The following CRYBG1 variants were observed in gnomAD, a reference collection of about 807,000 sequenced individuals.
CRYBG1 encodes the protein crystallin beta-gamma domain containing 1, also known as beta/gamma crystallin domain-containing protein 1.
Under a neutral mutation model 189.2 loss-of-function variants are expected in CRYBG1, and 139 were observed. The ratio of observed to expected loss-of-function variants is 0.73; its 90% CI spans 0.64 to 0.85. CRYBG1 has a LOEUF of 0.85. Among genes scored for constraint, CRYBG1 ranks in the 40% least tolerant of loss-of-function variants. CRYBG1 has a pLI of 0.00. For synonymous variants in CRYBG1, 1,023 were observed against 1,017.1 expected (o/e 1.01, Z -0.11); for missense variants, 2,611 against 2,675.8 (o/e 0.98, Z 0.53).
chr6:106,519,102 A>C, intron 3 of CRYBG1, 29 bp from the exon 4 acceptor site: 1 of 1,573,016 alleles, frequency 6.4e-7, no homozygotes, highest in Non-Finnish European at 8.6e-7. Context: ...CTAGGTCAAT[A>C]ACTTTATCTT....
Position 106,470,054 on chromosome 6 carries a change from G to A in CRYBG1, c.312+18222G>A, listed in dbSNP as rs111477559. Among the ~76,000 whole-genome samples, 838 of 152,266 alleles carry A rather than the reference G, an allele frequency of 5.5e-3. 9 individuals are homozygous for A. The highest frequency in any genetic ancestry group is 0.019 in the African/African-American group (804 of 41,542). On this transcript the variant is annotated intron_variant, in intron 2 of 21. Transcript: ENST00000633556. ...CCTGACTTTTCCTCGGGGACAGGGC[G>A]CTTCCCTCCTCCCTTTGGTCCCCGA...
intron 1 of CRYBG1, among the ~76,000 whole-genome samples, chr6:106,384,235 C>T (rs538830986): frequency 1.1e-4 from 17 of 152,164 alleles, no homozygotes; most frequent in South Asian, 2.1e-4. Context: ...GACTTCCCAT[C>T]GGTAACTGAG....
At chr6:106,519,011 C>T (rs1582813119) in intron 3 of CRYBG1, 120 bp from the exon 4 acceptor site, 2 of 897,148 alleles carry the variant, frequency 2.2e-6, no homozygotes, top group Non-Finnish European at 3.2e-6. Context: ...ACACACACCA[C>T]ACTCCAAATG....
rs1774135992 is a variant in CRYBG1, at chr6:106,541,748, T to TA, written c.4881+130dup. The stretch of plus-strand genomic sequence containing the variant: ...ATATTGCTTATGTGACTTCTCATAT[T>TA]AAACCTCTGTCACACATAAATGCAG... On this transcript the variant is annotated intron_variant, in intron 10 of 21. Transcript: ENST00000633556. 9.8e-6 allele frequency: 7 copies of TA among 717,256 alleles called. No homozygotes were observed. In the East Asian group the frequency reaches 1.9e-4, roughly 20 times the overall value. 44.4% of individuals were successfully genotyped at this position (717,256 alleles called of 1,614,324 possible).
chr6:106,475,892 A>G (rs1015320933), intron 2 of CRYBG1, among the ~76,000 whole-genome samples: 4 of 152,362 alleles, frequency 2.6e-5, no homozygotes, highest in Admixed American at 2.6e-4. Context: ...CCTCTGTCAC[A>G]GAACTTAAAA....
At chr6:106,386,637 A>G (rs1471150099) in intron 1 of CRYBG1, among the ~76,000 whole-genome samples, 2 of 152,214 alleles carry the variant, frequency 1.3e-5, no homozygotes, top group African/African-American at 4.8e-5. Context: ...GATTCTCATA[A>G]GGAGCATGCA....
At chr6:106,377,621 T>TCATATATATATATATATATATATATA (rs1419204336) in intron 1 of CRYBG1, among the ~76,000 whole-genome samples, 2 of 69,456 alleles carry the variant, frequency 2.9e-5, no homozygotes, top group African/African-American at 7.1e-5. Flanking sequence ...TCCTAAGGTT[T>TCATATATATATATATATATATATATA]TATATATATA....
chr6:106,429,257 T>A (rs1771282034), intron 1 of CRYBG1, among the ~76,000 whole-genome samples: 2 of 152,334 alleles, frequency 1.3e-5, no homozygotes, highest in South Asian at 4.1e-4. Context: ...GGGGGAGAGT[T>A]GATCTGGATA....
chr6:106,380,813 A>G (rs1395535684), intron 1 of CRYBG1, among the ~76,000 whole-genome samples: 1 of 152,196 alleles, frequency 6.6e-6, no homozygotes, highest in East Asian at 1.9e-4. Context: ...TAAGTACAAT[A>G]AGCAGCAATG....
In CRYBG1 at chr6:106,461,981, G is replaced by A. The variant is rs569156432; in HGVS notation, c.312+10149G>A. On this transcript the variant is annotated intron_variant, in intron 2 of 21. Transcript: ENST00000633556. ...GGAAATCCTTCTGAGGCATTGATTT[G>A]TCCAATATTTCTTTAGTGATGTTTG... Among the ~76,000 whole-genome samples, 9 of 152,252 alleles carry A rather than the reference G, an allele frequency of 5.9e-5. No individual in the cohort carries two copies. The East Asian group carries it at 1.7e-3, about 29-fold the overall frequency.
intron 2 of CRYBG1, among the ~76,000 whole-genome samples, chr6:106,510,683 G>T (rs772508640): frequency 2.0e-5 from 3 of 152,192 alleles, no homozygotes; most frequent in Non-Finnish European, 4.4e-5. Flanking sequence ...AGCAAAGGCG[G>T]TCACCCCTGC....
rs1358900401 is a variant in CRYBG1, at chr6:106,384,593, C to A, written c.173+23512C>A. Among the ~76,000 whole-genome samples the A allele has an allele frequency of 2.0e-5, 3 of 151,906 alleles. No homozygotes were observed. In the East Asian group the frequency reaches 5.8e-4, roughly 29 times the overall value. ...TTTTGCTTGCAGTCACTGAAGAAAA[C>A]CCTGCTTCACAAAGATAGGATGTTG... On this transcript the variant is annotated intron_variant, in intron 1 of 21. Coordinates refer to ENST00000633556, the MANE Select transcript of CRYBG1 (RefSeq NM_001371242.2).
At chr6:106,546,907 G>A (rs986632252) in intron 13 of CRYBG1, among the ~76,000 whole-genome samples, 1 of 152,154 alleles carries the variant, frequency 6.6e-6, no homozygotes, top group African/African-American at 2.4e-5. Context: ...CCCTGGCAGA[G>A]GAAGCAAAAG....
rs746629299 is a variant in CRYBG1 at position 106,520,377 on chromosome 6, C to T, written c.3169C>T (p.Pro1057Ser). The T allele has an allele frequency of 5.0e-6, 8 of 1,614,124 alleles. No individual in the cohort carries two copies. In the East Asian group the frequency reaches 1.8e-4, roughly 36 times the overall value. The stretch of plus-strand genomic sequence containing the variant: ...AACACCCCTGATGGCTGAATCCAGT[C>T]CCACCAACTCTCCCAGCAGCGGAAA... ...SRTPLMAESS[P>S]TNSPSSGNHL... Residue 1057 changes from proline (P) to serine (S), a missense_variant, in exon 4 of 22, where the codon CCC (proline) becomes TCC (serine). By Grantham distance (74) the Pro-to-Ser change is moderately conservative. This residue lies in a region of CRYBG1 where 1,622 missense variants were observed against 1,735.0 expected (regional missense o/e 0.93). Transcript: ENST00000633556.
intron 20 of CRYBG1, among the ~76,000 whole-genome samples, chr6:106,562,420 T>C (rs1304873058): frequency 6.6e-6 from 1 of 152,250 alleles, no homozygotes. Flanking sequence ...TTAACAACTT[T>C]GAATTCAATA....
intron 1 of CRYBG1, among the ~76,000 whole-genome samples, chr6:106,393,005 C>G (rs1167302683): frequency 6.6e-6 from 1 of 152,250 alleles, no homozygotes; most frequent in East Asian, 1.9e-4. Context: ...GAACTCCTGA[C>G]CTCAAGTGAT....
At chr6:106,420,030 G>T (rs562890071) in intron 1 of CRYBG1, among the ~76,000 whole-genome samples, 3 of 152,256 alleles carry the variant, frequency 2.0e-5, no homozygotes, top group East Asian at 3.9e-4. Context: ...TTACAACAAG[G>T]CATGAGTCCC....
chr6:106,538,161 TTTATGA>T (rs3841394), intron 8 of CRYBG1, among the ~76,000 whole-genome samples: 42,960 of 151,926 alleles, frequency 0.28, 6,299 homozygotes, highest in South Asian at 0.37. Flanking sequence ...TCTATGTTTG[TTTATGA>T]AGCAGGTACA....
intron 2 of CRYBG1, among the ~76,000 whole-genome samples, chr6:106,464,173 C>T (rs1025208486): frequency 1.3e-5 from 2 of 152,160 alleles, no homozygotes; most frequent in African/African-American, 4.8e-5. Flanking sequence ...ATCGAACGCT[C>T]TTCTTGACTT....
Sources: allele counts gnomAD v4.1 joint callset (sites outside exome capture counted in the v4.1 genomes callset), GRCh38; gene constraint gnomAD v4.1.1; regional missense constraint gnomAD v4.1.1; transcripts MANE v1.5; gene names NCBI Gene and HGNC (gene_info 2026-07-23, HGNC 2026-07-21).